The following UVRAG variants were observed in gnomAD, a reference collection of about 807,000 sequenced individuals.
UVRAG encodes the protein UV radiation resistance-associated gene protein.
UVRAG carries 19 observed loss-of-function variants against 78.0 expected under a neutral mutation model. The ratio of observed to expected loss-of-function variants is 0.24; its 90% CI spans 0.17 to 0.36. The LOEUF is 0.36. Ranked by LOEUF, UVRAG falls within the 10% of genes least tolerant of loss-of-function variation. UVRAG has a pLI of 1.00. For synonymous variants in UVRAG, 323 were observed against 324.6 expected, an observed-to-expected ratio of 1.00 and a Z score of 0.05; for missense variants, 740 against 853.8, an observed-to-expected ratio of 0.87 and a Z score of 1.66.
intron 13 of UVRAG, among the ~76,000 whole-genome samples, chr11:76,074,577 T>C (rs556784747): frequency 6.6e-6 from 1 of 152,246 alleles, no homozygotes; most frequent in South Asian, 2.1e-4. Flanking sequence ...TTTGTGTAGC[T>C]CATTTCATAC....
At chr11:75,949,690 TAC>T in intron 6 of UVRAG, among the ~76,000 whole-genome samples, 1 of 137,820 alleles carries the variant, frequency 7.3e-6, no homozygotes, top group Middle Eastern at 3.6e-3. Flanking sequence ...TACAATAAAA[TAC>T]ATATATATAT....
At chr11:75,950,969 C>T (rs1484878044) in intron 6 of UVRAG, among the ~76,000 whole-genome samples, 2 of 145,168 alleles carry the variant, frequency 1.4e-5, no homozygotes, top group African/African-American at 5.5e-5. Flanking sequence ...GGTGTACACA[C>T]ACACACACAC....
intron 12 of UVRAG, among the ~76,000 whole-genome samples, chr11:76,051,308 T>C (rs915357002): frequency 2.6e-5 from 4 of 152,152 alleles, no homozygotes; most frequent in African/African-American, 9.7e-5. Context: ...TGCTGTTAAA[T>C]CCAGGCAAAT....
intron 12 of UVRAG, among the ~76,000 whole-genome samples, chr11:76,034,535 TTTAAAAGTCTAGGATATA>T (rs1339690045): frequency 6.6e-6 from 1 of 152,180 alleles, no homozygotes; most frequent in African/African-American, 2.4e-5. Context: ...AAGGCTACTT[TTTAAAAGTCTAGGATATA>T]TGTTTCTCTG....
chr11:75,923,047 T>C (rs890644532), intron 6 of UVRAG, among the ~76,000 whole-genome samples: 2 of 149,042 alleles, frequency 1.3e-5, no homozygotes, highest in African/African-American at 2.4e-5. Context: ...TTTCTTTTTC[T>C]TTTTGAGACG....
chr11:75,900,987 C>T (rs562991507), intron 5 of UVRAG, among the ~76,000 whole-genome samples: 22 of 152,292 alleles, frequency 1.4e-4, no homozygotes, highest in Middle Eastern at 3.4e-3. Context: ...GAGGTCTCAC[C>T]TTTCCTCCTT....
intron 13 of UVRAG, among the ~76,000 whole-genome samples, chr11:76,089,373 A>G (rs550529096): frequency 1.4e-3 from 215 of 152,280 alleles, no homozygotes; most frequent in African/African-American, 5.0e-3. Flanking sequence ...TTTCACTGAC[A>G]ATTTTATTTA....
chr11:75,823,725 G>A lies in UVRAG; in HGVS notation c.117+8201G>A, dbSNP rs116688004. Among the ~76,000 whole-genome samples, 1,330 of 152,244 alleles carry A rather than the reference G, an allele frequency of 8.7e-3. 23 individuals are homozygous for A. Among genetic ancestry groups the A allele is most frequent in the African/African-American group, 0.031 (1,293 of 41,518 alleles). ...AGACACCCATTCTTTGCAGGGTTCT[G>A]GTGAAAAGTTTTAAGTACCTCAGAG... On this transcript the variant is annotated intron_variant, in intron 1 of 14. Transcript: ENST00000356136.
At chr11:76,037,737 A>G (rs2135412185) in intron 12 of UVRAG, among the ~76,000 whole-genome samples, 1 of 152,164 alleles carries the variant, frequency 6.6e-6, no homozygotes, top group Admixed American at 6.5e-5. Flanking sequence ...GGGGGCGGGT[A>G]CTTAAATTCT....
intron 14 of UVRAG, among the ~76,000 whole-genome samples, chr11:76,140,048 A>ACTCTCT (rs1312448539): frequency 1.1e-5 from 1 of 89,992 alleles, no homozygotes; most frequent in African/African-American, 5.5e-5. Context: ...TATAACCTTG[A>ACTCTCT]CTCTCTCTCT....
At chr11:75,913,092 A>T (rs768650224) in intron 6 of UVRAG, among the ~76,000 whole-genome samples, 1 of 152,204 alleles carries the variant, frequency 6.6e-6, no homozygotes, top group African/African-American at 2.4e-5. Context: ...TGAGACACAC[A>T]AAGTTTTAAG....
chr11:75,931,023 A>T (rs1039999497), intron 6 of UVRAG: 6 of 140,706 alleles, frequency 4.3e-5, no homozygotes, highest in Admixed American at 3.8e-4. Flanking sequence ...CTGGGTATTC[A>T]TCAAAAGTTT....
At chr11:75,896,793 G>A (rs1227398219) in intron 5 of UVRAG, among the ~76,000 whole-genome samples, 5 of 151,990 alleles carry the variant, frequency 3.3e-5, no homozygotes, top group Non-Finnish European at 5.9e-5. Context: ...CTCAACTTTT[G>A]GTATTTATTT....
At chr11:75,885,324 T>A (rs1176534951) in intron 4 of UVRAG, among the ~76,000 whole-genome samples, 1 of 152,106 alleles carries the variant, frequency 6.6e-6, no homozygotes, top group Non-Finnish European at 1.5e-5. Context: ...TTAGTTTAAG[T>A]GGTTAGAACT....
intron 5 of UVRAG, among the ~76,000 whole-genome samples, chr11:75,894,945 G>A (rs1947309303): frequency 6.6e-6 from 1 of 152,136 alleles, no homozygotes; most frequent in Admixed American, 6.5e-5. Context: ...AACATGTAGT[G>A]TGGGGGTAGC....
chr11:75,967,083 G>GT (rs1251360030), intron 7 of UVRAG, among the ~76,000 whole-genome samples: 1 of 152,156 alleles, frequency 6.6e-6, no homozygotes, highest in East Asian at 1.9e-4. Context: ...TTTATTGGTT[G>GT]TTTATGCCAA....
At position 76,008,863 on chromosome 11, in the gene UVRAG, C is replaced by T; in HGVS notation, c.1056C>T (p.Phe352=). Residue 352 remains phenylalanine, a synonymous_variant, in exon 11 of 15, where the codon TTC becomes TTT. Coordinates refer to ENST00000356136, the MANE Select transcript of UVRAG (RefSeq NM_003369.4). ...TCAAGTTGCCTAATTCTGAGGACTT[C>T]CAAGGTATTTTATTTTTTATTTTGA... ...CGVKLPNSED[F]QAKDDGSIAV... 2.7e-6 allele frequency: 4 copies of T among 1,455,346 alleles called. No homozygotes were observed. Among genetic ancestry groups the T allele is most frequent in the Non-Finnish European group, 3.7e-6 (4 of 1,075,662 alleles). The allele number at this position is 1,455,346 out of a possible 1,614,324, so 90.2% of individuals were successfully genotyped here. A position where few individuals can be genotyped will look rare whatever the true frequency, so the allele number is the denominator to read the frequency against.
At chr11:76,027,761 G>A (rs929127987) in intron 12 of UVRAG, among the ~76,000 whole-genome samples, 2 of 152,118 alleles carry the variant, frequency 1.3e-5, no homozygotes, top group Non-Finnish European at 2.9e-5. Flanking sequence ...TAGAAGATGG[G>A]CCTAATAAAG....
intron 6 of UVRAG, among the ~76,000 whole-genome samples, chr11:75,937,944 C>CT (rs1948406303): frequency 6.6e-6 from 1 of 152,116 alleles, no homozygotes; most frequent in Non-Finnish European, 1.5e-5. Flanking sequence ...TAGTCTTCCT[C>CT]TGTTTTTCAT....
Sources: allele counts gnomAD v4.1 joint callset (sites outside exome capture counted in the v4.1 genomes callset), GRCh38; gene constraint gnomAD v4.1.1; transcripts MANE v1.5; gene names NCBI Gene and HGNC (gene_info 2026-07-23, HGNC 2026-07-21).